AMMECR1: variants seen among roughly 807,000 people sequenced by gnomAD.
The protein encoded by AMMECR1 is nuclear protein AMMECR1.
AMMECR1 carries 3 observed loss-of-function variants against 22.5 expected under a neutral mutation model. The ratio of observed to expected loss-of-function variants is 0.13; its 90% CI spans 0.06 to 0.35. The LOEUF (loss-of-function observed/expected upper bound fraction) is 0.35. AMMECR1 is among the 10% of genes least tolerant of loss of function. AMMECR1 has a pLI of 1.00. For missense variants in AMMECR1, 235 were observed against 278.7 expected, an observed-to-expected ratio of 0.84 and a Z score of 1.12; for synonymous variants, 130 against 116.7, an observed-to-expected ratio of 1.11 and a Z score of -0.74.
At chrX:110,274,895 G>A (rs1232662387) in intron 1 of AMMECR1, among the ~76,000 whole-genome samples, 2 of 111,075 alleles carry the variant, frequency 1.8e-5, no homozygotes, top group Non-Finnish European at 3.8e-5. Flanking sequence ...AATTTTTCTA[G>A]GTTGTATCGA....
intron 2 of AMMECR1, among the ~76,000 whole-genome samples, chrX:110,352,991 A>T (rs2148243933): frequency 8.9e-6 from 1 of 112,528 alleles, no homozygotes; most frequent in South Asian, 3.7e-4. Flanking sequence ...TTCACTTAGC[A>T]CAATGCCAGA....
chrX:110,377,303 C>T (rs770203451), intron 2 of AMMECR1, among the ~76,000 whole-genome samples: 4 of 111,401 alleles, frequency 3.6e-5, no homozygotes, highest in East Asian at 2.8e-4. Flanking sequence ...TCTATTTGTC[C>T]GCAAACCCCA....
At chrX:110,407,123 G>C (rs894166030) in intron 2 of AMMECR1, among the ~76,000 whole-genome samples, 2 of 112,090 alleles carry the variant, frequency 1.8e-5, no homozygotes, top group African/African-American at 6.5e-5. Context: ...GACAATTCTT[G>C]AATTTTATAG....
chrX:110,415,317 C>T (rs2068669405), intron 2 of AMMECR1, among the ~76,000 whole-genome samples: 1 of 112,372 alleles, frequency 8.9e-6, no homozygotes, highest in African/African-American at 3.2e-5. Flanking sequence ...GCAGTTTTTC[C>T]CTATGACTAC....
intron 2 of AMMECR1, among the ~76,000 whole-genome samples, chrX:110,336,040 A>T (rs2068139907): frequency 8.9e-6 from 1 of 111,948 alleles, no homozygotes; most frequent in Non-Finnish European, 1.9e-5. Context: ...GATGATGAAG[A>T]TCAGTAGCTG....
intron 2 of AMMECR1, among the ~76,000 whole-genome samples, chrX:110,375,324 G>A (rs984808171): frequency 8.9e-6 from 1 of 111,903 alleles, no homozygotes; most frequent in Non-Finnish European, 1.9e-5. Context: ...ATGAGCAACA[G>A]GAAACTTTAG....
At chrX:110,252,595 A>G (rs1250792307) in intron 2 of AMMECR1, among the ~76,000 whole-genome samples, 1 of 112,456 alleles carries the variant, frequency 8.9e-6, no homozygotes, top group African/African-American at 3.2e-5. Context: ...TGAAAACTAT[A>G]AGAAACTAGC....
intron 2 of AMMECR1, among the ~76,000 whole-genome samples, chrX:110,327,437 G>A (rs1265978798): frequency 1.8e-5 from 2 of 111,691 alleles, no homozygotes; most frequent in Non-Finnish European, 3.8e-5. Context: ...AAATACTGAA[G>A]GGACTTCAAA....
chrX:110,424,443 G>A (rs963576939), intron 2 of AMMECR1, among the ~76,000 whole-genome samples: 3 of 111,526 alleles, frequency 2.7e-5, no homozygotes, highest in Middle Eastern at 4.6e-3. Context: ...ACCCAGGCCT[G>A]CATGAGTCCC....
chrX:110,261,521 T>TA (rs2067741587), intron 2 of AMMECR1, among the ~76,000 whole-genome samples: 1 of 111,536 alleles, frequency 9.0e-6, no homozygotes, highest in Admixed American at 9.5e-5. Flanking sequence ...ATTGTATTCT[T>TA]AAAGTCTAGT....
At chrX:110,332,611 ATCAAAACACAGACAAGCCTT>A (rs1378832876) in intron 2 of AMMECR1, among the ~76,000 whole-genome samples, 2 of 111,846 alleles carry the variant, frequency 1.8e-5, no homozygotes, top group Admixed American at 9.5e-5. Context: ...CCTCCTACAA[ATCAAAACACAGACAAGCCTT>A]TCTGTTCCCC....
intron 2 of AMMECR1, among the ~76,000 whole-genome samples, chrX:110,401,155 A>C (rs1348179011): frequency 8.9e-6 from 1 of 112,507 alleles, no homozygotes; most frequent in Non-Finnish European, 1.9e-5. Flanking sequence ...ATACATAGCA[A>C]GTAGGCTGCA....
intron 2 of AMMECR1, among the ~76,000 whole-genome samples, chrX:110,362,658 A>G (rs191599330): frequency 8.9e-6 from 1 of 112,129 alleles, no homozygotes; most frequent in African/African-American, 3.2e-5. Flanking sequence ...ATCACATGGT[A>G]GGAAATATGA....
intron 2 of AMMECR1, among the ~76,000 whole-genome samples, chrX:110,360,575 A>G (rs1400444290): frequency 8.9e-6 from 1 of 111,894 alleles, no homozygotes; most frequent in East Asian, 2.8e-4. Context: ...AATGGAGAGT[A>G]GAAGAAAGGG....
chrX:110,436,734 A>G (rs1473517035), intron 1 of AMMECR1, among the ~76,000 whole-genome samples: 1 of 111,758 alleles, frequency 8.9e-6, no homozygotes, highest in Non-Finnish European at 1.9e-5. Context: ...AGCCTCTGGA[A>G]GCCTTAGTAC....
chrX:110,374,712 G>A (rs1232817850), intron 2 of AMMECR1, among the ~76,000 whole-genome samples: 5 of 111,413 alleles, frequency 4.5e-5, no homozygotes, highest in South Asian at 3.8e-4. Flanking sequence ...TTCGGTGGAG[G>A]GTGCAAAGGA....
At chrX:110,304,323 T>C (rs1602878471) in intron 1 of AMMECR1, among the ~76,000 whole-genome samples, 1 of 112,158 alleles carries the variant, frequency 8.9e-6, no homozygotes, top group East Asian at 2.8e-4. Flanking sequence ...TCAGTTAAAT[T>C]TGCAATATCC....
intron 2 of AMMECR1, among the ~76,000 whole-genome samples, chrX:110,424,882 C>A (rs1054684248): frequency 9.0e-6 from 1 of 111,656 alleles, no homozygotes; most frequent in African/African-American, 3.3e-5. Flanking sequence ...AAATAATAGT[C>A]ATAGTCACCA....
At chrX:110,423,841 G>C (rs2068736248) in intron 2 of AMMECR1, among the ~76,000 whole-genome samples, 1 of 112,231 alleles carries the variant, frequency 8.9e-6, no homozygotes, top group African/African-American at 3.2e-5. Flanking sequence ...GGTGTTGCAT[G>C]GTAAGAAACA....
Sources: allele counts gnomAD v4.1 joint callset (sites outside exome capture counted in the v4.1 genomes callset), GRCh38; gene constraint gnomAD v4.1.1; transcripts MANE v1.5; gene names NCBI Gene and HGNC (gene_info 2026-07-23, HGNC 2026-07-21).